NPTN: variants seen among roughly 807,000 people sequenced by gnomAD.
NPTN encodes the protein neuroplastin.
A neutral mutation model predicts 42.7 loss-of-function variants in NPTN; 5 were observed. That is an observed-to-expected ratio of 0.12 (90% CI 0.06 to 0.25). NPTN has a LOEUF of 0.25. Ranked by LOEUF, NPTN falls within the 10% of genes least tolerant of loss-of-function variation. The pLI is 1.00. For synonymous variants in NPTN, 180 were observed against 201.9 expected (o/e 0.89, Z 0.92); for missense variants, 307 against 525.4 (o/e 0.58, Z 4.06).
intron 4 of NPTN, among the ~76,000 whole-genome samples, chr15:73,585,679 T>C (rs1301585045): frequency 2.0e-5 from 3 of 152,230 alleles, no homozygotes; most frequent in Non-Finnish European, 4.4e-5. Flanking sequence ...ACACACAGTA[T>C]ATCTATCCAA....
intron 1 of NPTN, among the ~76,000 whole-genome samples, chr15:73,626,246 T>C (rs999820442): frequency 4.6e-5 from 7 of 152,246 alleles, no homozygotes; most frequent in African/African-American, 1.7e-4. Flanking sequence ...TTATTCACAC[T>C]GGCAATTTTC....
intron 1 of NPTN, among the ~76,000 whole-genome samples, chr15:73,604,919 CA>C (rs1897225856): frequency 6.6e-6 from 1 of 151,828 alleles, no homozygotes; most frequent in Admixed American, 6.6e-5. Flanking sequence ...CCAGTCTGGA[CA>C]ACATGGTGAA....
In NPTN at chr15:73,592,118, A is replaced by G. The variant is rs1427903928; in HGVS notation, c.459T>C (p.Ser153=). ...GGCTGTCTCGAATAATGACCTCTTC[A>G]CTGGTGACAATCCTTGGCTCTGTAA... The part of the protein sequence containing the change: ...SVLQKPRIVT[S]EEVIIRDSPV... Residue 153 remains serine (S), a synonymous_variant, in exon 3 of 9, where the codon AGT becomes AGC. Coordinates refer to ENST00000345330, the MANE Select transcript of NPTN (RefSeq NM_012428.4). 2.5e-6 allele frequency: 4 copies of G among 1,613,754 alleles called. No homozygotes were observed. The highest frequency in any genetic ancestry group is 3.4e-6 in the Non-Finnish European group (4 of 1,179,788).
chr15:73,580,503 ATAT>A (rs1895970173), intron 4 of NPTN, among the ~76,000 whole-genome samples: 1 of 131,160 alleles, frequency 7.6e-6, no homozygotes, highest in Admixed American at 8.0e-5. Flanking sequence ...ACATAAATAT[ATAT>A]ATTATATATA....
chr15:73,631,594 C>T (rs1898746301), intron 1 of NPTN, among the ~76,000 whole-genome samples: 1 of 152,194 alleles, frequency 6.6e-6, no homozygotes, highest in Non-Finnish European at 1.5e-5. Context: ...TCCACTGGCT[C>T]TATCACTGAT....
intron 6 of NPTN, among the ~76,000 whole-genome samples, chr15:73,565,013 C>T (rs770012289): frequency 1.3e-5 from 2 of 152,188 alleles, no homozygotes; most frequent in Non-Finnish European, 2.9e-5. Flanking sequence ...GGCTGTTTTT[C>T]CTTTTGGAGT....
chr15:73,601,331 GAAAGA>G (rs964523528), intron 1 of NPTN, among the ~76,000 whole-genome samples: 1 of 151,764 alleles, frequency 6.6e-6, no homozygotes, highest in African/African-American at 2.4e-5. Flanking sequence ...GCATGGAAAA[GAAAGA>G]AAAGAAAAAG....
intron 1 of NPTN, among the ~76,000 whole-genome samples, chr15:73,625,763 G>T (rs571106667): frequency 1.3e-5 from 2 of 152,170 alleles, no homozygotes; most frequent in African/African-American, 4.8e-5. Context: ...TAATTTTTAG[G>T]TTATTTTTAA....
intron 1 of NPTN, among the ~76,000 whole-genome samples, chr15:73,606,943 A>G (rs894394885): frequency 3.5e-4 from 54 of 152,164 alleles, no homozygotes; most frequent in African/African-American, 1.2e-3. Flanking sequence ...CATCCTCAGT[A>G]TCAGATCAGG....
chr15:73,565,026 G>A (rs1894899518), intron 6 of NPTN, among the ~76,000 whole-genome samples: 1 of 152,224 alleles, frequency 6.6e-6, no homozygotes, highest in Non-Finnish European at 1.5e-5. Flanking sequence ...TTTGGAGTGT[G>A]GGTATTCCCT....
At position 73,633,340 on chromosome 15, in the gene NPTN, C is replaced by G. The variant is rs1418345861; in HGVS notation, c.-125G>C. On this transcript the variant is annotated 5_prime_UTR_variant, in exon 1 of 9. Transcript: ENST00000345330. ...GTGAGCGAGGGAGGCAGCCGCGGCTCGGCTCCGTCCTTCCCCGTCCTCCTC... is the reference window on the plus strand; with the variant it reads ...GTGAGCGAGGGAGGCAGCCGCGGCTGGGCTCCGTCCTTCCCCGTCCTCCTC... 4.5e-6 allele frequency: 3 copies of G among 661,224 alleles called. No individual in the cohort carries two copies. The highest frequency in any genetic ancestry group is 4.3e-5 in the Admixed American group (1 of 23,240). The allele number at this position is 661,224 out of a possible 1,614,324, so 41.0% of individuals were successfully genotyped here.
At chr15:73,618,280 A>G (rs1897960518) in intron 1 of NPTN, among the ~76,000 whole-genome samples, 1 of 152,192 alleles carries the variant, frequency 6.6e-6, no homozygotes, top group Non-Finnish European at 1.5e-5. Context: ...TAAAAAAAAT[A>G]TATGTTAGAA....
intron 4 of NPTN, among the ~76,000 whole-genome samples, chr15:73,587,073 T>C (rs977398961): frequency 6.6e-6 from 1 of 152,204 alleles, no homozygotes; most frequent in Non-Finnish European, 1.5e-5. Flanking sequence ...ACACTGTACT[T>C]TCCCCTCAAT....
At chr15:73,577,517 G>A (rs942050401) in intron 4 of NPTN, among the ~76,000 whole-genome samples, 9 of 152,198 alleles carry the variant, frequency 5.9e-5, no homozygotes, top group Non-Finnish European at 1.2e-4. Flanking sequence ...AACTTTGGGA[G>A]AAACTTATAG....
chr15:73,591,008 T>C (rs992758722), intron 3 of NPTN, among the ~76,000 whole-genome samples: 5 of 152,190 alleles, frequency 3.3e-5, no homozygotes, highest in African/African-American at 1.2e-4. Flanking sequence ...GAAAAAATTC[T>C]AGAAAATCAG....
chr15:73,629,279 C>A (rs751234959), intron 1 of NPTN, among the ~76,000 whole-genome samples: 3 of 152,172 alleles, frequency 2.0e-5, no homozygotes, highest in Non-Finnish European at 2.9e-5. Context: ...CAAACTATTT[C>A]TTCTGGTCAA....
At chr15:73,620,894 T>G (rs1053129397) in intron 1 of NPTN, among the ~76,000 whole-genome samples, 2 of 152,226 alleles carry the variant, frequency 1.3e-5, no homozygotes, top group Non-Finnish European at 2.9e-5. Context: ...AATGTCTTTC[T>G]GTCCAGCCAT....
At chr15:73,604,259 C>T (rs2141422458) in intron 1 of NPTN, among the ~76,000 whole-genome samples, 1 of 152,218 alleles carries the variant, frequency 6.6e-6, no homozygotes, top group African/African-American at 2.4e-5. Context: ...AGTCCAAGAG[C>T]TCGAGACCGG....
intron 1 of NPTN, among the ~76,000 whole-genome samples, chr15:73,624,999 A>G (rs926091236): frequency 6.6e-6 from 1 of 152,244 alleles, no homozygotes; most frequent in African/African-American, 2.4e-5. Context: ...TTCTTTACTC[A>G]TAATGACTAA....
Sources: allele counts gnomAD v4.1 joint callset (sites outside exome capture counted in the v4.1 genomes callset), GRCh38; gene constraint gnomAD v4.1.1; transcripts MANE v1.5; gene names NCBI Gene and HGNC (gene_info 2026-07-23, HGNC 2026-07-21).